Variants in PTPRM observed in about 807,000 individuals in gnomAD.
PTPRM encodes receptor-type tyrosine-protein phosphatase mu.
Under a neutral mutation model 186.7 loss-of-function variants are expected in PTPRM, and 47 were observed. That is an observed-to-expected ratio of 0.25 (90% CI 0.20 to 0.32). The LOEUF is 0.32. PTPRM is among the 10% of genes least tolerant of loss of function. PTPRM has a pLI of 1.00. For synonymous variants in PTPRM, 668 were observed against 674.9 expected, an observed-to-expected ratio of 0.99 and a Z score of 0.16; for missense variants, 1,494 against 1,865.0, an observed-to-expected ratio of 0.80 and a Z score of 3.66.
chr18:8,378,221 T>C, intron 26 of PTPRM, 44 bp from the exon 27 acceptor site: 1 of 1,547,484 alleles, frequency 6.5e-7, no homozygotes, highest in Non-Finnish European at 8.9e-7. Flanking sequence ...TTCCTCCTTC[T>C]CTGGTTCTCT....
intron 1 of PTPRM, among the ~76,000 whole-genome samples, chr18:7,740,874 A>G (rs2040871469): frequency 6.6e-6 from 1 of 152,200 alleles, no homozygotes; most frequent in African/African-American, 2.4e-5. Flanking sequence ...CCAGTGTGGC[A>G]TTATTAGATT....
At chr18:7,617,031 GGTA>G in intron 1 of PTPRM, among the ~76,000 whole-genome samples, 1 of 152,208 alleles carries the variant, frequency 6.6e-6, no homozygotes, top group South Asian at 2.1e-4. Flanking sequence ...AAATCAGAAG[GGTA>G]TTAAACGTAA....
intron 13 of PTPRM, among the ~76,000 whole-genome samples, chr18:8,132,839 A>G (rs1340068071): frequency 6.6e-6 from 1 of 152,132 alleles, no homozygotes; most frequent in African/African-American, 2.4e-5. Context: ...CCATGCTCTT[A>G]CTTCCTGTTA....
At chr18:7,569,693 T>G (rs971160840) in intron 1 of PTPRM, among the ~76,000 whole-genome samples, 1 of 152,212 alleles carries the variant, frequency 6.6e-6, no homozygotes, top group Non-Finnish European at 1.5e-5. Flanking sequence ...AAACCATGGG[T>G]TCCTCATCAC....
chr18:8,316,890 T>C (rs62089870), intron 21 of PTPRM, among the ~76,000 whole-genome samples: 18,192 of 151,918 alleles, frequency 0.12, 1,181 homozygotes, highest in African/African-American at 0.17. Flanking sequence ...AGAAGAGCAT[T>C]CTGGGCTGAG....
At chr18:7,613,303 A>G (rs929151152) in intron 1 of PTPRM, among the ~76,000 whole-genome samples, 4 of 152,126 alleles carry the variant, frequency 2.6e-5, no homozygotes, top group Admixed American at 6.6e-5. Flanking sequence ...TTAATCCTTA[A>G]TTATATTTTG....
At chr18:8,090,795 A>G (rs2145360777) in intron 11 of PTPRM, among the ~76,000 whole-genome samples, 1 of 152,234 alleles carries the variant, frequency 6.6e-6, no homozygotes, top group South Asian at 2.1e-4. Context: ...GGGTTTCATC[A>G]TGTTGACCAG....
At chr18:8,384,829 C>A (rs7240621) in intron 30 of PTPRM, 143 bp downstream of exon 30, 2 of 1,012,582 alleles carry the variant, frequency 2.0e-6, no homozygotes, top group Admixed American at 5.1e-5. Flanking sequence ...AGATTCCTGA[C>A]CTTATGGAGC....
At chr18:8,068,049 A>G (rs2089214564) in intron 7 of PTPRM, among the ~76,000 whole-genome samples, 1 of 152,200 alleles carries the variant, frequency 6.6e-6, no homozygotes, top group African/African-American at 2.4e-5. Context: ...TCAGGTCTAA[A>G]TTTGAATGCC....
At chr18:8,143,969 T>C (rs1261557275) in intron 14 of PTPRM, among the ~76,000 whole-genome samples, 190 bp downstream of exon 14, 1 of 152,200 alleles carries the variant, frequency 6.6e-6, no homozygotes, top group African/African-American at 2.4e-5. Flanking sequence ...TAAATGGCTA[T>C]GATTCTGTGT....
chr18:8,336,916 G>T (rs2095443074), intron 22 of PTPRM, among the ~76,000 whole-genome samples: 1 of 148,844 alleles, frequency 6.7e-6, no homozygotes, highest in South Asian at 2.2e-4. Flanking sequence ...GATGGAGGTT[G>T]CAGTGAGCCA....
chr18:7,901,515 C>T (rs946355159), intron 3 of PTPRM, among the ~76,000 whole-genome samples: 4 of 152,066 alleles, frequency 2.6e-5, no homozygotes, highest in Admixed American at 6.6e-5. Context: ...TACAGGCGCC[C>T]GCCAACACGC....
chr18:8,088,719 G>C, intron 10 of PTPRM, 30 bp from the exon 11 acceptor site: 1 of 1,499,462 alleles, frequency 6.7e-7, no homozygotes, highest in Non-Finnish European at 9.3e-7. Context: ...CAGAAATAAT[G>C]AGTCTCCCAT....
chr18:8,205,550 T>C (rs1260963915), intron 14 of PTPRM, among the ~76,000 whole-genome samples: 1 of 152,214 alleles, frequency 6.6e-6, no homozygotes, highest in African/African-American at 2.4e-5. Flanking sequence ...CAATGTGCTG[T>C]ATTGCTGTAA....
intron 7 of PTPRM, among the ~76,000 whole-genome samples, chr18:7,977,086 G>T (rs1462905611): frequency 1.3e-5 from 2 of 151,866 alleles, no homozygotes; most frequent in East Asian, 1.9e-4. Flanking sequence ...TACCTGAATT[G>T]TTTTTGTTTT....
chr18:8,353,740 T>G (rs995166676), intron 23 of PTPRM, among the ~76,000 whole-genome samples: 25 of 152,144 alleles, frequency 1.6e-4, no homozygotes, highest in African/African-American at 6.0e-4. Context: ...AGCAATAATG[T>G]GGTGCTTTCC....
intron 2 of PTPRM, among the ~76,000 whole-genome samples, chr18:7,840,518 C>G (rs1011732455): frequency 6.6e-6 from 1 of 152,204 alleles, no homozygotes; most frequent in African/African-American, 2.4e-5. Context: ...GACAGTGTAA[C>G]TTTCCTGATC....
intron 20 of PTPRM, among the ~76,000 whole-genome samples, chr18:8,306,990 A>C (rs973383148): frequency 6.6e-6 from 1 of 152,214 alleles, no homozygotes; most frequent in Non-Finnish European, 1.5e-5. Context: ...TCAAGAACAT[A>C]TGGTGAGGGG....
At chr18:8,217,038 T>C (rs781424274) in intron 14 of PTPRM, among the ~76,000 whole-genome samples, 2 of 152,364 alleles carry the variant, frequency 1.3e-5, no homozygotes, top group Non-Finnish European at 2.9e-5. Flanking sequence ...CCCTCTTCCC[T>C]AGAAATTTCT....
Sources: gnomAD v4.1 joint callset for allele counts (sites outside exome capture counted in the v4.1 genomes callset) on GRCh38, gnomAD v4.1.1 for gene constraint, MANE v1.5 for transcripts, NCBI Gene and HGNC (gene_info 2026-07-23, HGNC 2026-07-21) for gene names.